CEP112: variants seen among roughly 807,000 people sequenced by gnomAD.
The protein encoded by CEP112 is centrosomal protein of 112 kDa.
CEP112 carries 127 observed loss-of-function variants against 153.0 expected under a neutral mutation model. The observed-to-expected ratio is 0.83, with a 90% confidence interval of 0.72 to 0.96. The LOEUF (loss-of-function observed/expected upper bound fraction) is 0.96, where lower values mean the gene tolerates loss of function less well. CEP112 is among the 40% of genes least tolerant of loss of function. The pLI is 0.00. For missense variants in CEP112, 1,089 were observed against 1,101.2 expected (o/e 0.99, Z 0.16); for synonymous variants, 358 against 374.4 (o/e 0.96, Z 0.51).
At chr17:66,107,551 C>T (rs2068838662) in intron 6 of CEP112, among the ~76,000 whole-genome samples, 1 of 151,782 alleles carries the variant, frequency 6.6e-6, no homozygotes. Context: ...ACAATAGATA[C>T]AAATAAAATA....
At chr17:66,156,004 G>A (rs2071423017) in intron 4 of CEP112, among the ~76,000 whole-genome samples, 2 of 152,192 alleles carry the variant, frequency 1.3e-5, no homozygotes, top group Admixed American at 6.5e-5. Context: ...AGAGAGCAGT[G>A]GATCTCCCAG....
Position 66,063,067 on chromosome 17 carries a change from G to GT in CEP112, c.969dup (p.Arg324ThrfsTer2), listed in dbSNP as rs2066985254. ...GTCTCTCTGATAACTTGACAGTCAC[G>GT]TATCAGTGTCTGAACTGTCAAAAAT... On this transcript the variant is annotated frameshift_variant, in exon 11 of 27. Transcript: ENST00000535342. LOFTEE classifies it high-confidence loss of function. The GT allele has an allele frequency of 6.4e-7, 1 of 1,572,902 alleles. No homozygotes were observed. The highest frequency in any genetic ancestry group is 1.4e-5 in the African/African-American group (1 of 73,300).
intron 23 of CEP112, among the ~76,000 whole-genome samples, chr17:65,732,808 T>C (rs1278525590): frequency 6.6e-6 from 1 of 152,274 alleles, no homozygotes; most frequent in Non-Finnish European, 1.5e-5. Flanking sequence ...AAGAAATTTA[T>C]GGCCTTTGCT....
At chr17:65,800,466 C>T (rs1345470726) in intron 21 of CEP112, among the ~76,000 whole-genome samples, 1 of 152,058 alleles carries the variant, frequency 6.6e-6, no homozygotes, top group African/African-American at 2.4e-5. Context: ...GCTGAGTAAT[C>T]TTTCATTTTA....
chr17:65,907,736 G>T (rs967288389), intron 19 of CEP112, among the ~76,000 whole-genome samples: 1 of 152,158 alleles, frequency 6.6e-6, no homozygotes, highest in Non-Finnish European at 1.5e-5. Flanking sequence ...CATCAAGGTA[G>T]ATATGTAAAT....
intron 20 of CEP112, among the ~76,000 whole-genome samples, chr17:65,891,086 A>C (rs2059448034): frequency 6.6e-6 from 1 of 152,132 alleles, no homozygotes; most frequent in African/African-American, 2.4e-5. Flanking sequence ...GGTCCGGCAT[A>C]GGGGCCTGGC....
At chr17:65,677,679 G>A (rs1033495589) in intron 24 of CEP112, among the ~76,000 whole-genome samples, 3 of 152,158 alleles carry the variant, frequency 2.0e-5, no homozygotes, top group Non-Finnish European at 4.4e-5. Context: ...TTGGGAGGCT[G>A]AGGTGGGTGG....
rs1428296113 is a variant in CEP112 at position 65,644,506 on chromosome 17, T to C, written c.2698-3441A>G. The C allele has an allele frequency of 1.2e-5, 4 of 334,440 alleles. No homozygotes were observed. In the East Asian group the frequency reaches 2.9e-4, roughly 24 times the overall value. The allele number at this position is 334,440 out of a possible 1,614,324, so 20.7% of individuals were successfully genotyped here. A position where few individuals can be genotyped will look rare whatever the true frequency, so the allele number is the denominator to read the frequency against. ...ATGGCAGCCAGCTCATACAGGTTAATTTGGACAAAGCACAGCAGAACAATA... is the reference window on the plus strand; with the variant it reads ...ATGGCAGCCAGCTCATACAGGTTAACTTGGACAAAGCACAGCAGAACAATA... On this transcript the variant is annotated intron_variant, in intron 24 of 26. Coordinates refer to ENST00000535342, the MANE Select transcript of CEP112 (RefSeq NM_001199165.4).
Position 65,679,129 on chromosome 17 carries a change from C to CTTTT in CEP112, c.2697+9996_2697+9999dup. 3.0e-3 allele frequency among the ~76,000 whole-genome samples: 94 copies of CTTTT among 31,628 alleles called. 37 individuals are homozygous for CTTTT. The highest frequency in any genetic ancestry group is 5.0e-3 in the East Asian group (5 of 992). 20.7% of individuals were successfully genotyped at this position (31,628 alleles called of 152,430 possible). A position where few individuals can be genotyped will look rare whatever the true frequency, so the allele number is the denominator to read the frequency against. Reference sequence around the variant, plus strand: ...AATGTCCTTGACACTGTGGTTCAAGCTTTTTTTTTTTTTTTTTTTTTTTTT... The same window carrying CTTTT: ...AATGTCCTTGACACTGTGGTTCAAGCTTTTTTTTTTTTTTTTTTTTTTTTTTTTT... On this transcript the variant is annotated intron_variant, in intron 24 of 26. Transcript: ENST00000535342.
At position 66,096,264 on chromosome 17, in the gene CEP112, A is replaced by G; in HGVS notation, c.755T>C (p.Ile252Thr). 1 of 1,611,474 alleles carries G rather than the reference A, an allele frequency of 6.2e-7. No homozygotes were observed. Among genetic ancestry groups the G allele is most frequent in the Non-Finnish European group, 8.5e-7 (1 of 1,178,116 alleles). Residue 252 changes from isoleucine to threonine, a missense_variant, in exon 8 of 27, where the codon ATA becomes ACA. By Grantham distance (89) the Ile-to-Thr change is moderately conservative (BLOSUM62 -1). Coordinates refer to ENST00000535342, the MANE Select transcript of CEP112 (RefSeq NM_001199165.4). ...SFHDDHFLSR[I>T]REKELDMKTK... is the part of the protein sequence containing the mutation. ...TCTCATTCCTACCTCTTTCTCACGT[A>G]TTCGAGAGAGAAAATGATCATCATG...
intron 19 of CEP112, among the ~76,000 whole-genome samples, chr17:65,925,278 G>A (rs893987909): frequency 6.6e-6 from 1 of 152,124 alleles, no homozygotes; most frequent in African/African-American, 2.4e-5. Flanking sequence ...TGATTGTGAG[G>A]CCCCCTCAGC....
At chr17:65,902,662 T>C (rs1423756541) in intron 19 of CEP112, among the ~76,000 whole-genome samples, 3 of 152,016 alleles carry the variant, frequency 2.0e-5, no homozygotes, top group East Asian at 1.9e-4. Flanking sequence ...AAATGGTTAA[T>C]AGTACGCTTT....
At chr17:65,828,387 T>C (rs1019124829) in intron 21 of CEP112, among the ~76,000 whole-genome samples, 6 of 152,178 alleles carry the variant, frequency 3.9e-5, no homozygotes, top group Non-Finnish European at 8.8e-5. Flanking sequence ...CTTCCTCATC[T>C]TTTTCCTCTC....
chr17:65,703,166 G>A (rs1020150849), intron 23 of CEP112, among the ~76,000 whole-genome samples: 2 of 152,188 alleles, frequency 1.3e-5, no homozygotes, highest in Non-Finnish European at 2.9e-5. Flanking sequence ...TGCAGGCACT[G>A]TGCTGTGGCT....
rs548954386 is a variant in CEP112, at chr17:65,930,844, T to C, written c.1873-3155A>G. 4.5e-5 allele frequency among the ~76,000 whole-genome samples: 6 copies of C among 133,812 alleles called. No individual in the cohort carries two copies. The East Asian group carries it at 2.2e-3, about 49-fold the overall frequency. The allele number at this position is 133,812 out of a possible 152,430, so 87.8% of individuals were successfully genotyped here. A position where few individuals can be genotyped will look rare whatever the true frequency, so the allele number is the denominator to read the frequency against. Reference sequence around the variant, plus strand: ...GGCCTTTTGCCCATCATACTATCAGTAGGTCTTTTCATTTTTTTTTTTCAT... The same window carrying C: ...GGCCTTTTGCCCATCATACTATCAGCAGGTCTTTTCATTTTTTTTTTTCAT... On this transcript the variant is annotated intron_variant, in intron 18 of 26. Coordinates refer to ENST00000535342, the MANE Select transcript of CEP112 (RefSeq NM_001199165.4).
At position 65,678,107 on chromosome 17, in the gene CEP112, G is replaced by C. The variant is rs541343858; in HGVS notation, c.2697+11022C>G. ...TTTCCAAACATGACAAGCACAATCA[G>C]TAGTCATCAAACATTTCTCTCTGCT... On this transcript the variant is annotated intron_variant, in intron 24 of 26. Transcript: ENST00000535342. Among the ~76,000 whole-genome samples, 3 of 152,146 alleles carry C rather than the reference G, an allele frequency of 2.0e-5. No homozygotes were observed. In the South Asian group the frequency reaches 6.2e-4, roughly 32 times the overall value.
intron 18 of CEP112, among the ~76,000 whole-genome samples, chr17:65,937,551 C>A (rs1205829364): frequency 1.4e-4 from 14 of 101,790 alleles, no homozygotes; most frequent in East Asian, 4.7e-4. Flanking sequence ...CCAGCCGCCC[C>A]GTCCGGGAGG....
intron 2 of CEP112, among the ~76,000 whole-genome samples, chr17:66,178,666 C>A (rs980821034): frequency 2.0e-5 from 3 of 152,018 alleles, no homozygotes; most frequent in Admixed American, 2.0e-4. Context: ...CCAATGTTTT[C>A]TTTTAGCAGT....
At chr17:65,906,755 C>T (rs2060099410) in intron 19 of CEP112, among the ~76,000 whole-genome samples, 1 of 152,076 alleles carries the variant, frequency 6.6e-6, no homozygotes, top group Non-Finnish European at 1.5e-5. Flanking sequence ...TCTCACAGAA[C>T]TATGTTAATC....
Sources: gnomAD v4.1 joint callset for allele counts (sites outside exome capture counted in the v4.1 genomes callset) on GRCh38, gnomAD v4.1.1 for gene constraint, MANE v1.5 for transcripts, NCBI Gene and HGNC (gene_info 2026-07-23, HGNC 2026-07-21) for gene names.